The following PCBP3 variants were observed in gnomAD, a reference collection of about 807,000 sequenced individuals.
PCBP3 encodes poly(rC) binding protein 3.
A neutral mutation model predicts 52.7 loss-of-function variants in PCBP3; 25 were observed. The ratio of observed to expected loss-of-function variants is 0.47; its 90% confidence interval spans 0.35 to 0.66. The LOEUF is 0.66. PCBP3 is among the 30% of genes least tolerant of loss of function. The pLI is 0.01. For missense variants in PCBP3, 391 were observed against 490.3 expected, an observed-to-expected ratio of 0.80 and a Z score of 1.91; for synonymous variants, 162 against 183.0, an observed-to-expected ratio of 0.89 and a Z score of 0.93.
intron 2 of PCBP3, among the ~76,000 whole-genome samples, chr21:45,714,560 G>A (rs2084083501): frequency 6.6e-6 from 1 of 151,950 alleles, no homozygotes; most frequent in African/African-American, 2.4e-5. Flanking sequence ...AACTTGAAAG[G>A]GATTAATATC....
In PCBP3 at chr21:45,755,414, T is replaced by C. The variant is rs145607016; in HGVS notation, c.-161-3T>C. Among the ~76,000 whole-genome samples, 31 of 152,352 alleles carry C rather than the reference T, an allele frequency of 2.0e-4. No individual in the cohort carries two copies. The East Asian group carries it at 3.5e-3, about 17-fold the overall frequency. ...TGTGGATGTATGTTTTCATTTTTCATAGGTAAATACCTAGGAGTGGGCTTT... is the reference window on the plus strand; with the variant it reads ...TGTGGATGTATGTTTTCATTTTTCACAGGTAAATACCTAGGAGTGGGCTTT... On this transcript the variant is annotated splice_region_variant and splice_polypyrimidine_tract_variant and intron_variant, in intron 3 of 17. Transcript: ENST00000681687.
rs1342511407 is a variant in PCBP3, at chr21:45,646,105, C to CTGTGTGTGTGTG, written c.-279+2238_-279+2239insGTGTGTGTGTGT. Among the ~76,000 whole-genome samples, 210 of 92,946 alleles carry CTGTGTGTGTGTG rather than the reference C, an allele frequency of 2.3e-3. 1 individual carries two copies. Among genetic ancestry groups the CTGTGTGTGTGTG allele is most frequent in the Middle Eastern group, 5.0e-3 (1 of 202 alleles). 61.0% of individuals were successfully genotyped at this position (92,946 alleles called of 152,430 possible). ...TCTTTCTCTCTCTCTCTCTCTCTCT[C>CTGTGTGTGTGTG]TCTGTGTGTGTGTGTGTGTGTGTGT... On this transcript the variant is annotated intron_variant, in intron 1 of 17. Transcript: ENST00000681687.
intron 4 of PCBP3, chr21:45,760,497 T>C (rs1435928806): frequency 6.6e-6 from 1 of 152,124 alleles, no homozygotes; most frequent in African/African-American, 2.4e-5. Context: ...CCACAAATGG[T>C]AGAACTAAAA....
chr21:45,713,005 G>A (rs1357727408), intron 2 of PCBP3, among the ~76,000 whole-genome samples: 1 of 152,202 alleles, frequency 6.6e-6, no homozygotes, highest in African/African-American at 2.4e-5. Flanking sequence ...GATTACAGGT[G>A]TGAGCCACCT....
At position 45,675,695 on chromosome 21, in the gene PCBP3, G is replaced by A. The variant is rs566914877; in HGVS notation, c.-200+6743G>A. ...AATCTCCTGTGATTTGTGGAGTCTC[G>A]GGCTCCCTGGAAACCTTTCAGGGGG... On this transcript the variant is annotated intron_variant, in intron 2 of 17. Coordinates refer to ENST00000681687, the MANE Select transcript of PCBP3 (RefSeq NM_001384156.1). Among the ~76,000 whole-genome samples, 22 of 152,030 alleles carry A rather than the reference G, an allele frequency of 1.4e-4. 1 individual carries two copies. Among genetic ancestry groups the A allele is most frequent in the African/African-American group, 4.6e-4 (19 of 41,438 alleles).
Position 45,928,705 on chromosome 21 carries a change from C to T in PCBP3, c.718-1212C>T, listed in dbSNP as rs1162193136. On this transcript the variant is annotated intron_variant, in intron 13 of 17. Coordinates refer to ENST00000681687, the MANE Select transcript of PCBP3 (RefSeq NM_001384156.1). This position sits in a 1 kb window ranked among gnomAD's most constrained non-coding sequence, Gnocchi z 4.1. ...GCCCACACCCCCCAGCATTGGTGGCCTCTGTGGCAGCTTCTGCCACCCATA... is the reference window on the plus strand; with the variant it reads ...GCCCACACCCCCCAGCATTGGTGGCTTCTGTGGCAGCTTCTGCCACCCATA... Among the ~76,000 whole-genome samples, 2 of 152,228 alleles carry T rather than the reference C, an allele frequency of 1.3e-5. No homozygotes were observed. Among genetic ancestry groups the T allele is most frequent in the East Asian group, 3.8e-4 (2 of 5,198 alleles).
At chr21:45,825,057 C>T (rs115002821) in intron 4 of PCBP3, among the ~76,000 whole-genome samples, 2,866 of 152,298 alleles carry the variant, frequency 0.019, 95 homozygotes, top group African/African-American at 0.066. Flanking sequence ...CACCCTGGTA[C>T]CTGGCAGGGG....
intron 2 of PCBP3, among the ~76,000 whole-genome samples, chr21:45,709,479 G>A (rs1403453941): frequency 6.6e-6 from 1 of 152,150 alleles, no homozygotes; most frequent in Non-Finnish European, 1.5e-5. Flanking sequence ...CTGAAGATAG[G>A]CGACGACTTT....
At position 45,827,965 on chromosome 21, in the gene PCBP3, G is replaced by A. The variant is rs1267728836; in HGVS notation, c.-125-21996G>A. 2 of 152,288 alleles carry A rather than the reference G, an allele frequency of 1.3e-5. No homozygotes were observed. Among genetic ancestry groups the A allele is most frequent in the Non-Finnish European group, 2.9e-5 (2 of 68,118 alleles). The allele number at this position is 152,288 out of a possible 1,614,324, so 9.4% of individuals were successfully genotyped here. On this transcript the variant is annotated intron_variant, in intron 4 of 17. Transcript: ENST00000681687. The surrounding 1 kb of genome is among the most constrained non-coding windows in gnomAD (Gnocchi z 4.3). ...GAAAGGTCCTCAGATGCCAGTGGCTGATACATAGACAAGTTTATTTCCTGT... is the reference window on the plus strand; with the variant it reads ...GAAAGGTCCTCAGATGCCAGTGGCTAATACATAGACAAGTTTATTTCCTGT...
chr21:45,896,104 C>G, intron 5 of PCBP3, 104 bp from the exon 6 acceptor site: 1 of 1,114,832 alleles, frequency 9.0e-7, no homozygotes. Flanking sequence ...CAACCCCATT[C>G]TCCTGCCACC....
At chr21:45,931,725 C>CCG (rs2076205177) in intron 15 of PCBP3, among the ~76,000 whole-genome samples, 2 of 148,142 alleles carry the variant, frequency 1.4e-5, no homozygotes, top group Non-Finnish European at 3.0e-5. Flanking sequence ...ACAAACACGT[C>CCG]GGCCGTGCCG....
chr21:45,763,168 C>A (rs1339984525), intron 4 of PCBP3: 1 of 152,278 alleles, frequency 6.6e-6, no homozygotes. Flanking sequence ...TCAGCTGAGC[C>A]GCACAAGCAG....
At chr21:45,669,528 C>T (rs1185978797) in intron 2 of PCBP3, among the ~76,000 whole-genome samples, 1 of 151,888 alleles carries the variant, frequency 6.6e-6, no homozygotes, top group African/African-American at 2.4e-5. Flanking sequence ...AACCATCCAT[C>T]TCCAATACTC....
rs931760366 is a variant in PCBP3 at position 45,724,713 on chromosome 21, C to A, written c.-199-10679C>A. ...GGTGGGATCTGAAAGAGAACCCGCC[C>A]CCCTCAGCTGGAGTGGCACTCTGTA... On this transcript the variant is annotated intron_variant, in intron 2 of 17. Coordinates refer to ENST00000681687, the MANE Select transcript of PCBP3 (RefSeq NM_001384156.1). This position sits in a 1 kb window ranked among gnomAD's most constrained non-coding sequence, Gnocchi z 5.3. 1.3e-5 allele frequency among the ~76,000 whole-genome samples: 2 copies of A among 151,596 alleles called. No homozygotes were observed. Among genetic ancestry groups the A allele is most frequent in the Non-Finnish European group, 2.9e-5 (2 of 67,908 alleles).
intron 2 of PCBP3, among the ~76,000 whole-genome samples, chr21:45,719,508 CAT>C (rs775416738): frequency 9.2e-5 from 14 of 152,142 alleles, no homozygotes; most frequent in Non-Finnish European, 1.6e-4. Flanking sequence ...AAAATCCACA[CAT>C]GTCAAGGGCA....
At chr21:45,807,908 C>G (rs914514203) in intron 4 of PCBP3, among the ~76,000 whole-genome samples, 1 of 152,146 alleles carries the variant, frequency 6.6e-6, no homozygotes. Context: ...CCACAACCAT[C>G]TGATCTTTGA....
Position 45,917,508 on chromosome 21 carries a change from G to T in PCBP3, c.676-80G>T. 1 of 1,117,522 alleles carries T rather than the reference G, an allele frequency of 8.9e-7. No individual in the cohort carries two copies. Among genetic ancestry groups the T allele is most frequent in the East Asian group, 2.4e-5 (1 of 42,464 alleles). The allele number at this position is 1,117,522 out of a possible 1,614,324, so 69.2% of individuals were successfully genotyped here. On this transcript the variant is annotated intron_variant, in intron 12 of 17. Transcript: ENST00000681687. The surrounding 1 kb of genome is among the most constrained non-coding windows in gnomAD (Gnocchi z 5.3). Reference sequence around the variant, plus strand: ...GGGAAGCTTCTACCGGAGGGTCCTTGTCATGCTGGAGGGTGGCGGCGGGTG... The same window carrying T: ...GGGAAGCTTCTACCGGAGGGTCCTTTTCATGCTGGAGGGTGGCGGCGGGTG...
rs2094137339 is a variant in PCBP3, at chr21:45,853,556, G to C, written c.10+3461G>C. 6.6e-6 allele frequency among the ~76,000 whole-genome samples: 1 copy of C among 152,172 alleles called. No individual in the cohort carries two copies. ...TCTGGGGTTTCAATACCCTCTGCAGGTTTCCATTGGTTACTTGGTGTACAC... is the reference window on the plus strand; with the variant it reads ...TCTGGGGTTTCAATACCCTCTGCAGCTTTCCATTGGTTACTTGGTGTACAC... On this transcript the variant is annotated intron_variant, in intron 5 of 17. Transcript: ENST00000681687. This position sits in a 1 kb window ranked among gnomAD's most constrained non-coding sequence, Gnocchi z 4.6.
intron 3 of PCBP3, among the ~76,000 whole-genome samples, chr21:45,745,774 G>A (rs2086781523): frequency 6.6e-6 from 1 of 152,246 alleles, no homozygotes; most frequent in African/African-American, 2.4e-5. Context: ...CGAGGATGAG[G>A]ACATAGGAGG....
Sources: allele counts gnomAD v4.1 joint callset (sites outside exome capture counted in the v4.1 genomes callset), GRCh38; gene constraint gnomAD v4.1.1; non-coding constraint Gnocchi (gnomAD v3.1); transcripts MANE v1.5; gene names NCBI Gene and HGNC (gene_info 2026-07-23, HGNC 2026-07-21).